Variants in TNNI3K observed in about 807,000 individuals in gnomAD.
TNNI3K encodes TNNI3 interacting kinase, also known as serine/threonine-protein kinase TNNI3K.
TNNI3K carries 140 observed loss-of-function variants against 114.5 expected under a neutral mutation model. That is an observed-to-expected ratio of 1.22 (90% CI 1.07 to 1.41). The LOEUF is 1.41. TNNI3K is among the 40% of genes most tolerant of loss of function. The pLI is 0.00. For missense variants in TNNI3K, 1,125 were observed against 1,007.6 expected (o/e 1.12, Z -1.58); for synonymous variants, 347 against 347.5 (o/e 1.00, Z 0.02).
Position 74,250,760 on chromosome 1 carries a change from A to G in TNNI3K, c.324A>G (p.Ala108=). 4 of 1,611,096 alleles carry G rather than the reference A, an allele frequency of 2.5e-6. No individual in the cohort carries two copies. The East Asian group carries it at 9.0e-5, about 36-fold the overall frequency. ...ATGGATTTACAGCCTTGCATTTAGC[A>G]GTTTACAAGGTAGGACACTTTAATT... ...TRNGFTALHL[A]VYKDNAELIT... is the part of the protein sequence containing the mutation. The change falls in exon 4 of 25, where the codon GCA becomes GCG. Residue 108 remains alanine, a synonymous_variant. Coordinates refer to ENST00000326637, the MANE Select transcript of TNNI3K (RefSeq NM_015978.3).
intron 20 of TNNI3K, 113 bp from the exon 21 acceptor site, chr1:74,463,328 C>A: frequency 2.7e-6 from 3 of 1,115,178 alleles, no homozygotes; most frequent in South Asian, 1.3e-5. Flanking sequence ...CTTTGAATGT[C>A]TGCTGATGTT....
intron 17 of TNNI3K, chr1:74,371,308 G>A (rs932949006): frequency 6.6e-6 from 1 of 151,828 alleles, no homozygotes; most frequent in African/African-American, 2.4e-5. Context: ...TTTCAGCACA[G>A]TAGAGCTTAC....
chr1:74,312,988 G>A (rs896245675), intron 5 of TNNI3K, among the ~76,000 whole-genome samples: 4 of 152,110 alleles, frequency 2.6e-5, no homozygotes, highest in African/African-American at 7.2e-5. Context: ...GAACCAATCT[G>A]TACCTAGGCA....
chr1:74,470,047 G>A (rs1243942272), intron 21 of TNNI3K: 6 of 400,552 alleles, frequency 1.5e-5, no homozygotes, highest in Non-Finnish European at 2.7e-5. Context: ...CGCTTCATGT[G>A]TCTCCACTGT....
chr1:74,281,866 T>C (rs1657035582), intron 5 of TNNI3K, among the ~76,000 whole-genome samples: 1 of 152,156 alleles, frequency 6.6e-6, no homozygotes, highest in Admixed American at 6.5e-5. Flanking sequence ...TAAATTCCAA[T>C]ATATGGTGAT....
At chr1:74,540,436 A>T in intron 24 of TNNI3K, 123 bp downstream of exon 24, 1 of 895,422 alleles carries the variant, frequency 1.1e-6, no homozygotes, top group Non-Finnish European at 1.7e-6. Context: ...CTTTAAAAAT[A>T]TAAAAGTATA....
intron 23 of TNNI3K, among the ~76,000 whole-genome samples, chr1:74,504,838 T>C (rs1038134926): frequency 2.0e-5 from 3 of 152,120 alleles, no homozygotes. Context: ...TAAAATGCAC[T>C]CCCTCCTAAC....
At chr1:74,359,435 C>T (rs376356733) in intron 11 of TNNI3K, among the ~76,000 whole-genome samples, 225 of 151,784 alleles carry the variant, frequency 1.5e-3, no homozygotes, top group Non-Finnish European at 2.9e-3. Context: ...AATAGGAATC[C>T]GCTATAAACC....
intron 4 of TNNI3K, among the ~76,000 whole-genome samples, chr1:74,258,080 A>G (rs1655438309): frequency 6.6e-6 from 1 of 152,142 alleles, no homozygotes; most frequent in African/African-American, 2.4e-5. Context: ...CTCTCAGTAA[A>G]GTCTCTTCAT....
rs769912230 is a variant in TNNI3K, at chr1:74,367,891, T to A, written c.1265-17T>A. On this transcript the variant is annotated splice_polypyrimidine_tract_variant and intron_variant, in intron 12 of 24. Coordinates refer to ENST00000326637, the MANE Select transcript of TNNI3K (RefSeq NM_015978.3). ...ATGATCGCTACTTTCAACTCTATTA[T>A]ATAATTTAATTTCTAGATGGCTCCT... 1.9e-6 allele frequency: 3 copies of A among 1,566,696 alleles called. No homozygotes were observed. In the East Asian group the frequency reaches 7.1e-5, roughly 37 times the overall value.
chr1:74,543,854 G>A lies in TNNI3K; in HGVS notation c.2432-52G>A, dbSNP rs371866956. ...GTTCAGGCTGGTTATAAAAAATTGG[G>A]GGATGTACTGAAAGACTAGTAAGTA... On this transcript the variant is annotated intron_variant, in intron 24 of 24. Transcript: ENST00000326637. 2.2e-5 allele frequency: 36 copies of A among 1,607,314 alleles called. 1 individual carries two copies. The East Asian group carries it at 2.9e-4, about 13-fold the overall frequency.
intron 5 of TNNI3K, among the ~76,000 whole-genome samples, chr1:74,310,555 C>T (rs548916335): frequency 7.2e-5 from 11 of 152,186 alleles, no homozygotes; most frequent in Middle Eastern, 3.4e-3. Context: ...TCACATGACC[C>T]AACTCCAAAC....
At chr1:74,354,184 T>C in intron 11 of TNNI3K, 55 bp downstream of exon 11, 1 of 1,598,372 alleles carries the variant, frequency 6.3e-7, no homozygotes, top group South Asian at 1.1e-5. Context: ...TGTGCATAGA[T>C]TATGTCAGTG....
At chr1:74,353,440 G>A (rs1261533258) in intron 10 of TNNI3K, 80 bp downstream of exon 10, 4 of 1,492,928 alleles carry the variant, frequency 2.7e-6, no homozygotes, top group East Asian at 4.8e-5. Flanking sequence ...GGATGTGGGG[G>A]CATTGGGAGT....
chr1:74,257,578 G>A (rs1447716612), intron 4 of TNNI3K, among the ~76,000 whole-genome samples: 5 of 151,360 alleles, frequency 3.3e-5, no homozygotes, highest in Admixed American at 2.6e-4. Context: ...ACTTCTGGTG[G>A]ATACATTTCA....
chr1:74,323,128 G>A (rs1322918993), intron 5 of TNNI3K, among the ~76,000 whole-genome samples: 4 of 151,668 alleles, frequency 2.6e-5, no homozygotes, highest in Non-Finnish European at 1.5e-5. Context: ...TATAATCATG[G>A]TCCTTTTTAC....
At chr1:74,383,347 C>T (rs1663302821) in intron 17 of TNNI3K, among the ~76,000 whole-genome samples, 1 of 151,756 alleles carries the variant, frequency 6.6e-6, no homozygotes, top group African/African-American at 2.4e-5. Context: ...GGTGGAACTG[C>T]CTCTATAGCC....
At position 74,367,069 on chromosome 1, in the gene TNNI3K, G is replaced by A. The variant is rs185894368; in HGVS notation, c.1178-187G>A. On this transcript the variant is annotated intron_variant, in intron 11 of 24. Transcript: ENST00000326637. ...AGTAGAGTGCCTGACATAGTGCTTCGCATATGGTAGTCTTAAGAAATCATT... is the reference window on the plus strand; with the variant it reads ...AGTAGAGTGCCTGACATAGTGCTTCACATATGGTAGTCTTAAGAAATCATT... Among the ~76,000 whole-genome samples the A allele has an allele frequency of 2.1e-3, 317 of 152,020 alleles. 1 individual carries two copies. The highest frequency in any genetic ancestry group is 7.3e-3 in the African/African-American group (305 of 41,510).
rs577490224 is a variant in TNNI3K, at chr1:74,326,620, G to A, written c.445-4830G>A. On this transcript the variant is annotated intron_variant, in intron 5 of 24. Transcript: ENST00000326637. ...AACATAAGTTTAAAATTTTATGAAA[G>A]AGTGATTTACCCACAGTGTTAATTA... Among the ~76,000 whole-genome samples the A allele has an allele frequency of 2.0e-5, 3 of 152,264 alleles. No individual in the cohort carries two copies. In the South Asian group the frequency reaches 6.2e-4, roughly 32 times the overall value.
Sources: gnomAD v4.1 joint callset for allele counts (sites outside exome capture counted in the v4.1 genomes callset) on GRCh38, gnomAD v4.1.1 for gene constraint, MANE v1.5 for transcripts, NCBI Gene and HGNC (gene_info 2026-07-23, HGNC 2026-07-21) for gene names.